The following STXBP5L variants were observed in gnomAD, a reference collection of about 807,000 sequenced individuals.
The protein encoded by STXBP5L is syntaxin binding protein 5L.
STXBP5L carries 65 observed loss-of-function variants against 144.5 expected under a neutral mutation model. The observed-to-expected ratio is 0.45, with a 90% confidence interval of 0.37 to 0.55. STXBP5L has a LOEUF of 0.55. STXBP5L is among the 20% of genes least tolerant of loss of function. STXBP5L has a pLI of 0.00. For synonymous variants in STXBP5L, 505 were observed against 469.6 expected (o/e 1.08, Z -0.97); for missense variants, 1,298 against 1,405.5 (o/e 0.92, Z 1.22).
At chr3:121,412,083 T>G (rs2047125804) in intron 23 of STXBP5L, among the ~76,000 whole-genome samples, 1 of 152,128 alleles carries the variant, frequency 6.6e-6, no homozygotes, top group South Asian at 2.1e-4. Flanking sequence ...TATTGGATCT[T>G]AAGACCCATG....
intron 3 of STXBP5L, among the ~76,000 whole-genome samples, chr3:120,967,211 C>T (rs905923560): frequency 6.6e-6 from 1 of 152,138 alleles, no homozygotes; most frequent in African/African-American, 2.4e-5. Flanking sequence ...GTCACCGCTT[C>T]CCTTGGCTAG....
chr3:121,210,133 G>A (rs2048500011), intron 10 of STXBP5L, among the ~76,000 whole-genome samples: 1 of 151,970 alleles, frequency 6.6e-6, no homozygotes, highest in Admixed American at 6.6e-5. Context: ...ATTCTAACTG[G>A]TGTGAGATGG....
At chr3:121,119,357 G>A (rs774100934) in intron 6 of STXBP5L, among the ~76,000 whole-genome samples, 39 of 151,188 alleles carry the variant, frequency 2.6e-4, no homozygotes, top group Non-Finnish European at 4.9e-4. Context: ...GATTCCTGTA[G>A]GGTTTTGAAT....
At chr3:121,119,890 T>C (rs1330082621) in intron 6 of STXBP5L, among the ~76,000 whole-genome samples, 1 of 151,306 alleles carries the variant, frequency 6.6e-6, no homozygotes, top group Non-Finnish European at 1.5e-5. Flanking sequence ...GGAAGTTTAA[T>C]GTTAGATTAT....
At chr3:121,259,018 A>G (rs779391991) in intron 17 of STXBP5L, 25 bp from the exon 18 acceptor site, 1 of 1,583,784 alleles carries the variant, frequency 6.3e-7, no homozygotes, top group Admixed American at 1.7e-5. Flanking sequence ...AGCTGTATAT[A>G]ATAGGATTGT....
chr3:121,093,923 C>T (rs945166133), intron 5 of STXBP5L, among the ~76,000 whole-genome samples: 31 of 152,122 alleles, frequency 2.0e-4, no homozygotes, highest in African/African-American at 7.2e-4. Context: ...CTATACATTT[C>T]CCTCTACACA....
intron 3 of STXBP5L, among the ~76,000 whole-genome samples, chr3:120,972,244 T>C (rs193159373): frequency 3.5e-4 from 53 of 152,248 alleles, no homozygotes; most frequent in African/African-American, 1.2e-3. Context: ...ATCTATGATT[T>C]CTTTCATTGT....
chr3:121,159,754 C>T (rs1044982248), intron 9 of STXBP5L, among the ~76,000 whole-genome samples: 1 of 151,620 alleles, frequency 6.6e-6, no homozygotes, highest in African/African-American at 2.4e-5. Context: ...CTCAGCCTCC[C>T]GAGTAGCTGG....
At chr3:120,966,994 C>T (rs1053520137) in intron 3 of STXBP5L, among the ~76,000 whole-genome samples, 1 of 152,102 alleles carries the variant, frequency 6.6e-6, no homozygotes, top group Non-Finnish European at 1.5e-5. Flanking sequence ...CCTACTCAAG[C>T]TTCAGCAATG....
At chr3:121,112,227 G>A (rs923184669) in intron 5 of STXBP5L, among the ~76,000 whole-genome samples, 4 of 151,928 alleles carry the variant, frequency 2.6e-5, no homozygotes, top group Non-Finnish European at 5.9e-5. Flanking sequence ...CTAGCTGAGC[G>A]ACCGCCAAGA....
At chr3:121,389,324 T>G (rs1184999191) in intron 22 of STXBP5L, among the ~76,000 whole-genome samples, 2 of 152,222 alleles carry the variant, frequency 1.3e-5, no homozygotes, top group East Asian at 3.8e-4. Context: ...GTTGATCTTT[T>G]CAAAAAACCA....
intron 5 of STXBP5L, among the ~76,000 whole-genome samples, chr3:121,100,933 C>T (rs912751051): frequency 2.0e-5 from 3 of 151,854 alleles, no homozygotes; most frequent in African/African-American, 7.2e-5. Context: ...CCCACAAAAA[C>T]ATAAAATATC....
chr3:121,018,837 CT>C (rs1945332483), intron 3 of STXBP5L, among the ~76,000 whole-genome samples: 3 of 152,188 alleles, frequency 2.0e-5, no homozygotes, highest in Admixed American at 1.3e-4. Context: ...TCATGAATTA[CT>C]GCAGGAACAT....
intron 3 of STXBP5L, among the ~76,000 whole-genome samples, chr3:121,015,831 G>T (rs1467033801): frequency 6.6e-6 from 1 of 152,140 alleles, no homozygotes; most frequent in African/African-American, 2.4e-5. Context: ...TCAGATGGGG[G>T]CAAAAGGTGT....
intron 7 of STXBP5L, among the ~76,000 whole-genome samples, chr3:121,136,723 C>A (rs1219577807): frequency 6.6e-6 from 1 of 152,152 alleles, no homozygotes; most frequent in Non-Finnish European, 1.5e-5. Context: ...AGTGTCATTG[C>A]TGGATATATA....
At chr3:121,181,131 AAAG>A (rs1459054040) in intron 9 of STXBP5L, among the ~76,000 whole-genome samples, 6 of 146,420 alleles carry the variant, frequency 4.1e-5, no homozygotes, top group East Asian at 4.2e-4. Flanking sequence ...AAAGAAGAGA[AAAG>A]AAGAGAAGAG....
At chr3:121,154,899 A>AT (rs1223850267) in intron 8 of STXBP5L, among the ~76,000 whole-genome samples, 1 of 151,830 alleles carries the variant, frequency 6.6e-6, no homozygotes, top group Admixed American at 6.6e-5. Context: ...TGTATATGCA[A>AT]TCAATTTCTG....
chr3:121,349,038 A>C (rs1021136885), intron 20 of STXBP5L, among the ~76,000 whole-genome samples: 1 of 151,826 alleles, frequency 6.6e-6, no homozygotes, highest in African/African-American at 2.4e-5. Flanking sequence ...TAGTTCTTTT[A>C]ATTGTGATGT....
chr3:121,050,495 T>G lies in STXBP5L; in HGVS notation c.470+4960T>G, dbSNP rs968974955. 8.6e-5 allele frequency among the ~76,000 whole-genome samples: 13 copies of G among 151,980 alleles called. 1 individual carries two copies. The highest frequency in any genetic ancestry group is 3.9e-4 in the East Asian group (2 of 5,178). Reference sequence around the variant, plus strand: ...TATCCAGCCAAACTAAGCTTCATAATTGAAGGAGAAATAAAATACTTTACA... The same window carrying G: ...TATCCAGCCAAACTAAGCTTCATAAGTGAAGGAGAAATAAAATACTTTACA... On this transcript the variant is annotated intron_variant, in intron 5 of 26. Transcript: ENST00000471454.
Sources: allele counts gnomAD v4.1 joint callset (sites outside exome capture counted in the v4.1 genomes callset), GRCh38; gene constraint gnomAD v4.1.1; transcripts MANE v1.5; gene names NCBI Gene and HGNC (gene_info 2026-07-23, HGNC 2026-07-21).